The following PRCP variants were observed in gnomAD, a reference collection of about 807,000 sequenced individuals.
PRCP encodes lysosomal Pro-X carboxypeptidase.
In PRCP, 46 loss-of-function variants were observed where a neutral mutation model predicts 54.2. That is an observed-to-expected ratio of 0.85 (90% CI 0.67 to 1.09). PRCP has a LOEUF of 1.09. PRCP is among the 50% of genes least tolerant of loss of function. PRCP has a pLI of 0.00. For synonymous variants in PRCP, 240 were observed against 212.2 expected (o/e 1.13, Z -1.14); for missense variants, 613 against 596.8 (o/e 1.03, Z -0.28).
At chr11:82,846,506 C>G (rs960448071) in intron 6 of PRCP, among the ~76,000 whole-genome samples, 19 of 151,968 alleles carry the variant, frequency 1.3e-4, no homozygotes, top group African/African-American at 4.6e-4. Flanking sequence ...TACCAGCAAT[C>G]AAGAATTCCT....
At position 82,861,728 on chromosome 11, in the gene PRCP, A is replaced by G. The variant is rs147368228; in HGVS notation, c.169-1611T>C. ...AGATACTGAAGGTAGAACATTTTAC[A>G]AGACAATTGACAAGGCAATATCATG... On this transcript the variant is annotated intron_variant, in intron 1 of 8. Transcript: ENST00000313010. Among the ~76,000 whole-genome samples, 15 of 152,254 alleles carry G rather than the reference A, an allele frequency of 9.9e-5. 1 individual carries two copies. The highest frequency in any genetic ancestry group is 3.6e-4 in the African/African-American group (15 of 41,470).
chr11:82,829,993 T>G (rs1858337544), intron 8 of PRCP: 1 of 152,176 alleles, frequency 6.6e-6, no homozygotes, highest in Non-Finnish European at 1.5e-5. Context: ...TAGATCTACG[T>G]TGTACATTTT....
At chr11:82,847,600 T>A (rs1411435247) in intron 6 of PRCP, among the ~76,000 whole-genome samples, 1 of 152,126 alleles carries the variant, frequency 6.6e-6, no homozygotes, top group East Asian at 1.9e-4. Context: ...GATCCAGGTT[T>A]TCTTTTCTTT....
chr11:82,853,569 TA>T (rs1420140784), intron 2 of PRCP, among the ~76,000 whole-genome samples: 1 of 152,202 alleles, frequency 6.6e-6, no homozygotes, highest in East Asian at 1.9e-4. Flanking sequence ...ACATTATGTC[TA>T]AAATGGTCTT....
intron 1 of PRCP, among the ~76,000 whole-genome samples, chr11:82,883,182 C>T (rs903022387): frequency 6.6e-6 from 1 of 152,196 alleles, no homozygotes; most frequent in African/African-American, 2.4e-5. Context: ...TAAAGCAATG[C>T]GATCCAGAGT....
intron 1 of PRCP, 144 bp downstream of exon 1, chr11:82,900,091 C>G (rs1261901041): frequency 5.5e-6 from 6 of 1,081,258 alleles, no homozygotes; most frequent in Non-Finnish European, 6.7e-6. Context: ...TTGGGACCAC[C>G]TTCTGGAAGA....
intron 1 of PRCP, among the ~76,000 whole-genome samples, chr11:82,882,363 G>A (rs1859767344): frequency 6.6e-6 from 1 of 152,166 alleles, no homozygotes; most frequent in Non-Finnish European, 1.5e-5. Context: ...ATTTGCTATA[G>A]AAGTTAAACC....
chr11:82,831,379 T>C (rs1321504215), intron 8 of PRCP: 1 of 152,218 alleles, frequency 6.6e-6, no homozygotes. Context: ...CAGGCACTGA[T>C]TGGGCACGGG....
chr11:82,883,447 T>TA (rs1859796610), intron 1 of PRCP, among the ~76,000 whole-genome samples: 1 of 152,332 alleles, frequency 6.6e-6, no homozygotes, highest in South Asian at 2.1e-4. Flanking sequence ...ATGTGTAATG[T>TA]CTGGCACACA....
intron 5 of PRCP, 129 bp from the exon 6 acceptor site, chr11:82,849,347 A>C (rs1270455355): frequency 9.6e-7 from 1 of 1,041,380 alleles, no homozygotes; most frequent in Non-Finnish European, 1.4e-6. Flanking sequence ...GGATATTTTC[A>C]GAGCAACTGG....
intron 6 of PRCP, among the ~76,000 whole-genome samples, chr11:82,848,366 T>C (rs2121134678): frequency 6.6e-6 from 1 of 152,378 alleles, no homozygotes; most frequent in South Asian, 2.1e-4. Flanking sequence ...TTCCAAAGTG[T>C]TTCACATCCA....
intron 1 of PRCP, among the ~76,000 whole-genome samples, chr11:82,882,911 A>C (rs966253957): frequency 6.7e-6 from 1 of 150,120 alleles, no homozygotes; most frequent in African/African-American, 2.5e-5. Flanking sequence ...AGATCTCCAG[A>C]CCTAAAGAAC....
intron 1 of PRCP, among the ~76,000 whole-genome samples, chr11:82,898,579 AG>A (rs1355102038): frequency 1.3e-5 from 2 of 152,186 alleles, no homozygotes; most frequent in African/African-American, 4.8e-5. Flanking sequence ...GATCCAAGAG[AG>A]GGTACTAGAG....
chr11:82,857,741 C>T (rs1859124666), intron 2 of PRCP, among the ~76,000 whole-genome samples: 1 of 152,184 alleles, frequency 6.6e-6, no homozygotes, highest in South Asian at 2.1e-4. Flanking sequence ...GAGTTATATG[C>T]ATGTAAGGAT....
chr11:82,854,950 G>A (rs1288356647), intron 2 of PRCP, among the ~76,000 whole-genome samples: 4 of 152,126 alleles, frequency 2.6e-5, no homozygotes, highest in African/African-American at 9.7e-5. Context: ...AAATGGTGCT[G>A]GGATAACTGG....
At position 82,860,022 on chromosome 11, in the gene PRCP, GA is replaced by G. The variant is rs866144060; in HGVS notation, c.263del (p.Phe88SerfsTer26). 4.4e-6 allele frequency: 7 copies of G among 1,590,898 alleles called. No individual in the cohort carries two copies. Among genetic ancestry groups the G allele is most frequent in the Non-Finnish European group, 6.0e-6 (7 of 1,169,980 alleles). On this transcript the variant is annotated frameshift_variant, in exon 2 of 9. Coordinates refer to ENST00000313010, the MANE Select transcript of PRCP (RefSeq NM_005040.4). LOFTEE classifies it high-confidence loss of function. ...YWKKNGGSIL[F>X]YTGNEGDIIW... The stretch of plus-strand genomic sequence containing the variant: ...TAATGTCCCCTTCATTACCAGTGTA[GA>G]AAAGTATTGATCCACCATTTTTCTT...
intron 1 of PRCP, among the ~76,000 whole-genome samples, chr11:82,868,973 T>A (rs575855588): frequency 6.6e-6 from 1 of 152,106 alleles, no homozygotes; most frequent in African/African-American, 2.4e-5. Flanking sequence ...GAGGCAGAGG[T>A]TGCGGTAAGC....
intron 5 of PRCP, among the ~76,000 whole-genome samples, chr11:82,849,517 A>G (rs1420636797): frequency 7.2e-5 from 11 of 152,248 alleles, no homozygotes; most frequent in Admixed American, 6.5e-4. Context: ...AAATGGATGT[A>G]TCTATCAAAC....
At chr11:82,842,496 G>A (rs771195565) in intron 6 of PRCP, among the ~76,000 whole-genome samples, 1 of 152,186 alleles carries the variant, frequency 6.6e-6, no homozygotes, top group Non-Finnish European at 1.5e-5. Flanking sequence ...GAGAGCAATC[G>A]GGATGGGGAG....
Sources: allele counts gnomAD v4.1 joint callset (sites outside exome capture counted in the v4.1 genomes callset), GRCh38; gene constraint gnomAD v4.1.1; transcripts MANE v1.5; gene names NCBI Gene and HGNC (gene_info 2026-07-23, HGNC 2026-07-21).